Variants in GRIK2 observed in about 807,000 individuals in gnomAD.
The protein encoded by GRIK2 is glutamate receptor ionotropic, kainate 2.
GRIK2 carries 32 observed loss-of-function variants against 100.3 expected under a neutral mutation model. The ratio of observed to expected loss-of-function variants is 0.32; its 90% confidence interval spans 0.24 to 0.43. The LOEUF (loss-of-function observed/expected upper bound fraction) is 0.43. Ranked by LOEUF, GRIK2 falls within the 20% of genes least tolerant of loss-of-function variation. GRIK2 has a pLI of 1.00. For synonymous variants in GRIK2, 417 were observed against 389.4 expected (o/e 1.07, Z -0.83); for missense variants, 843 against 1,114.9 (o/e 0.76, Z 3.47).
At chr6:101,603,998 A>C (rs1366186442) in intron 2 of GRIK2, among the ~76,000 whole-genome samples, 1 of 151,726 alleles carries the variant, frequency 6.6e-6, no homozygotes, top group African/African-American at 2.4e-5. Flanking sequence ...TAACATGTAA[A>C]TATAAAGTAT....
chr6:101,918,125 A>G (rs1789238924), intron 12 of GRIK2, among the ~76,000 whole-genome samples: 1 of 151,672 alleles, frequency 6.6e-6, no homozygotes, highest in South Asian at 2.1e-4. Context: ...ACTGCTGTTA[A>G]ATTTTTAAAC....
intron 2 of GRIK2, among the ~76,000 whole-genome samples, chr6:101,517,260 C>T (rs757100155): frequency 2.3e-4 from 35 of 152,068 alleles, no homozygotes; most frequent in Non-Finnish European, 3.7e-4. Flanking sequence ...ACCTGAAACC[C>T]AGACTTGTCA....
intron 15 of GRIK2, among the ~76,000 whole-genome samples, chr6:102,041,864 T>C (rs187511644): frequency 6.6e-6 from 1 of 151,700 alleles, no homozygotes; most frequent in African/African-American, 2.4e-5. Flanking sequence ...GTGGTCTCTA[T>C]TTATACATTT....
At chr6:101,569,395 C>A (rs72959137) in intron 2 of GRIK2, among the ~76,000 whole-genome samples, 97 of 151,640 alleles carry the variant, frequency 6.4e-4, no homozygotes, top group African/African-American at 2.2e-3. Flanking sequence ...ATGATCCAAA[C>A]GGAACTACAT....
intron 7 of GRIK2, among the ~76,000 whole-genome samples, chr6:101,699,330 T>C (rs966891016): frequency 1.3e-5 from 2 of 152,106 alleles, no homozygotes; most frequent in African/African-American, 4.8e-5. Flanking sequence ...TCAAATTTAC[T>C]CTCAAATTGA....
chr6:101,763,555 A>G (rs2128393329), intron 7 of GRIK2, among the ~76,000 whole-genome samples: 1 of 152,310 alleles, frequency 6.6e-6, no homozygotes, highest in South Asian at 2.1e-4. Flanking sequence ...TTCTACTAAA[A>G]TCAATCCCCT....
At chr6:101,933,556 G>T (rs1340278) in intron 14 of GRIK2, among the ~76,000 whole-genome samples, 86 of 151,730 alleles carry the variant, frequency 5.7e-4, no homozygotes, top group Non-Finnish European at 1.1e-3. Context: ...TGTATTCATG[G>T]ATTCCTATTT....
chr6:101,878,669 C>T (rs933982113), intron 11 of GRIK2, among the ~76,000 whole-genome samples: 3 of 151,992 alleles, frequency 2.0e-5, no homozygotes, highest in Admixed American at 6.6e-5. Flanking sequence ...CTTTCTCTTA[C>T]AAGTCATTCG....
chr6:101,736,390 A>G (rs1210595567), intron 7 of GRIK2, among the ~76,000 whole-genome samples: 6 of 152,198 alleles, frequency 3.9e-5, no homozygotes, highest in Admixed American at 3.9e-4. Context: ...CGAGGGCCCC[A>G]TCCCTGCAGC....
At chr6:101,558,810 G>A (rs1194766877) in intron 2 of GRIK2, among the ~76,000 whole-genome samples, 1 of 151,724 alleles carries the variant, frequency 6.6e-6, no homozygotes, top group African/African-American at 2.4e-5. Context: ...TTTGCACATT[G>A]CAGTTGTCTA....
At chr6:101,928,070 C>T (rs1158660619) in intron 13 of GRIK2, 1 of 219,568 alleles carries the variant, frequency 4.6e-6, no homozygotes, top group African/African-American at 2.3e-5. Context: ...TATGAAAAAA[C>T]AATAAATGTG....
intron 7 of GRIK2, among the ~76,000 whole-genome samples, chr6:101,762,687 A>G (rs1412575945): frequency 6.6e-6 from 1 of 152,196 alleles, no homozygotes; most frequent in Admixed American, 6.5e-5. Context: ...TCTGTCTAAA[A>G]TGGTGTCATT....
intron 4 of GRIK2, among the ~76,000 whole-genome samples, chr6:101,644,436 A>G (rs1781426659): frequency 6.6e-6 from 1 of 151,748 alleles, no homozygotes; most frequent in Non-Finnish European, 1.5e-5. Flanking sequence ...ATAAAGACAA[A>G]TGGATCAAAA....
At chr6:101,687,724 G>A (rs998789968) in intron 7 of GRIK2, among the ~76,000 whole-genome samples, 8 of 151,690 alleles carry the variant, frequency 5.3e-5, no homozygotes, top group South Asian at 2.1e-4. Context: ...AAATATATCC[G>A]TATGAATTTG....
At chr6:101,662,185 A>G (rs921070993) in intron 4 of GRIK2, among the ~76,000 whole-genome samples, 1 of 152,232 alleles carries the variant, frequency 6.6e-6, no homozygotes. Flanking sequence ...ATGAAGAAAG[A>G]TTAGTCTCTT....
At chr6:101,998,503 G>C (rs555140728) in intron 14 of GRIK2, among the ~76,000 whole-genome samples, 76 of 151,996 alleles carry the variant, frequency 5.0e-4, no homozygotes, top group African/African-American at 1.7e-3. Flanking sequence ...TTTTTTTGCT[G>C]TTTCGGATTG....
At chr6:101,886,495 T>G (rs1349595184) in intron 11 of GRIK2, among the ~76,000 whole-genome samples, 1 of 151,940 alleles carries the variant, frequency 6.6e-6, no homozygotes, top group Non-Finnish European at 1.5e-5. Context: ...GCTAAATAAA[T>G]TTTAAAATTT....
intron 11 of GRIK2, chr6:101,860,983 T>A (rs1784702954): frequency 1.3e-6 from 1 of 760,180 alleles, no homozygotes; most frequent in Non-Finnish European, 1.6e-6. Context: ...TTCTCCACTT[T>A]CCCATACTCG....
intron 11 of GRIK2, among the ~76,000 whole-genome samples, chr6:101,864,894 A>G (rs1275088269): frequency 1.3e-5 from 2 of 152,216 alleles, no homozygotes; most frequent in African/African-American, 2.4e-5. Flanking sequence ...TGTGTGGACT[A>G]TGAGAAGTTA....
Sources: allele counts gnomAD v4.1 joint callset (sites outside exome capture counted in the v4.1 genomes callset), GRCh38; gene constraint gnomAD v4.1.1; transcripts MANE v1.5; gene names NCBI Gene and HGNC (gene_info 2026-07-23, HGNC 2026-07-21).